The following ZNF839 variants were observed in gnomAD, a reference collection of about 807,000 sequenced individuals.
The protein encoded by ZNF839 is renal carcinoma antigen NY-REN-50.
Under a neutral mutation model 56.4 loss-of-function variants are expected in ZNF839, and 38 were observed. That is an observed-to-expected ratio of 0.67 (90% CI 0.52 to 0.88). ZNF839 has a LOEUF of 0.88. Among genes scored for constraint, ZNF839 ranks in the 40% least tolerant of loss-of-function variants. ZNF839 has a pLI of 0.00. For missense variants in ZNF839, 1,091 were observed against 1,177.6 expected (o/e 0.93, Z 1.08); for synonymous variants, 486 against 493.5 (o/e 0.98, Z 0.20).
At chr14:102,323,543 C>A (rs2073244403) in intron 1 of ZNF839, among the ~76,000 whole-genome samples, 1 of 152,136 alleles carries the variant, frequency 6.6e-6, no homozygotes, top group African/African-American at 2.4e-5. Flanking sequence ...GAAGGTAGTT[C>A]TCCCCTTTGG....
intron 1 of ZNF839, among the ~76,000 whole-genome samples, chr14:102,323,284 C>G (rs1029753396): frequency 1.3e-5 from 2 of 152,256 alleles, no homozygotes; most frequent in African/African-American, 4.8e-5. Context: ...TGGCCATCCT[C>G]CAGCCACCCA....
rs768408544 is a variant in ZNF839 at position 102,341,782 on chromosome 14, C to T, written c.2387C>T (p.Ala796Val). The T allele has an allele frequency of 6.2e-7, 1 of 1,614,038 alleles. No individual in the cohort carries two copies. Among genetic ancestry groups the T allele is most frequent in the South Asian group, 1.1e-5 (1 of 91,088 alleles). ...ACCAGCGTCCTGCCTACAGAGGTGG[C>T]AGCCCCTCCGCTTGAGAAAATTTTG... Reference protein sequence around the residue: ...SPTSVLPTEVAAPPLEKILSV... With the variant: ...SPTSVLPTEVVAPPLEKILSV... The change falls in exon 8 of 8, where the codon GCA (alanine) becomes GTA (valine). Residue 796 changes from alanine (A) to valine (V), a missense_variant. Ala to Val is a moderately conservative substitution (Grantham distance 64). Transcript: ENST00000442396.
At position 102,341,693 on chromosome 14, in the gene ZNF839, T is replaced by C. The variant is rs1358447773; in HGVS notation, c.2298T>C (p.His766=). Residue 766 remains histidine (H), a synonymous_variant, in exon 8 of 8, where the codon CAT becomes CAC. Coordinates refer to ENST00000442396, the MANE Select transcript of ZNF839 (RefSeq NM_018335.6). ...CCCTGCCGCCTGGGGGGCCTGGACA[T>C]GCAGAGGCAGGACACCTCGGCAAGG... ...AESLPPGGPG[H]AEAGHLGKVC... 1 of 1,613,976 alleles carries C rather than the reference T, an allele frequency of 6.2e-7. No individual in the cohort carries two copies. The highest frequency in any genetic ancestry group is 8.5e-7 in the Non-Finnish European group (1 of 1,179,878).
intron 2 of ZNF839, among the ~76,000 whole-genome samples, chr14:102,328,375 A>AAAAAAAAATATATATATAT (rs1197718891): frequency 6.1e-5 from 1 of 16,326 alleles, no homozygotes; most frequent in African/African-American, 1.7e-4. Flanking sequence ...AAAAAAAAAA[A>AAAAAAAAATATATATATAT]ATATATATAT....
In ZNF839 at chr14:102,339,205, T is replaced by C. The variant is rs764733738; in HGVS notation, c.1909T>C (p.Leu637=). ...NSRGREKPRP[L]HALAAGFSPP... is the part of the protein sequence containing the mutation. The stretch of plus-strand genomic sequence containing the variant: ...CAGAGGCCGGGAGAAGCCCAGGCCC[T>C]TGCATGCTTTGGCCGCTGGTGAGGG... The change falls in exon 7 of 8, where the codon TTG becomes CTG. Residue 637 remains leucine (L), a synonymous_variant. Coordinates refer to ENST00000442396, the MANE Select transcript of ZNF839 (RefSeq NM_018335.6). The C allele has an allele frequency of 6.2e-7, 1 of 1,611,546 alleles. No individual in the cohort carries two copies. The highest frequency in any genetic ancestry group is 8.5e-7 in the Non-Finnish European group (1 of 1,178,824).
intron 2 of ZNF839, among the ~76,000 whole-genome samples, chr14:102,327,329 CAG>C (rs2073470747): frequency 1.3e-5 from 2 of 151,788 alleles, no homozygotes; most frequent in Non-Finnish European, 2.9e-5. Flanking sequence ...TTGGTAGAGA[CAG>C]GGTTTCACCA....
chr14:102,334,508 A>T (rs770165320), intron 3 of ZNF839, 46 bp from the exon 4 acceptor site: 1 of 1,440,046 alleles, frequency 6.9e-7, no homozygotes, highest in South Asian at 1.2e-5. Flanking sequence ...GCTATTGGGA[A>T]ATTCTTACGG....
chr14:102,342,038 A>C lies in ZNF839; in HGVS notation c.2643A>C (p.Leu881Phe). ...AFEISNGSHE[L>F]LSQGQKQIFI... ...AAATTTCCAATGGGAGCCATGAGTT[A>C]CTGTCTCAGGGACAGAAGCAGATTT... Residue 881 changes from leucine (L) to phenylalanine (F), a missense_variant, in exon 8 of 8, where the codon TTA becomes TTC. Leu to Phe is a conservative substitution (Grantham distance 22). This residue lies in a region of ZNF839 where 431 missense variants were observed against 468.0 expected (regional missense o/e 0.92). Coordinates refer to ENST00000442396, the MANE Select transcript of ZNF839 (RefSeq NM_018335.6). 6.2e-7 allele frequency: 1 copy of C among 1,614,022 alleles called. No homozygotes were observed. The highest frequency in any genetic ancestry group is 8.5e-7 in the Non-Finnish European group (1 of 1,179,882).
At chr14:102,328,398 AT>A (rs1567288786) in intron 2 of ZNF839, among the ~76,000 whole-genome samples, 26 of 109,984 alleles carry the variant, frequency 2.4e-4, no homozygotes, top group South Asian at 2.3e-3. Context: ...ATATATATAT[AT>A]ATATATATAT....
At position 102,338,539 on chromosome 14, in the gene ZNF839, GAAAAAAAAAA is replaced by G. The variant is rs954011615; in HGVS notation, c.1660-260_1660-251del. 1.4e-3 allele frequency among the ~76,000 whole-genome samples: 44 copies of G among 32,096 alleles called. No homozygotes were observed. In the South Asian group the frequency reaches 0.035, roughly 25 times the overall value. The allele number at this position is 32,096 out of a possible 152,430, so 21.1% of individuals were successfully genotyped here. On this transcript the variant is annotated intron_variant, in intron 5 of 7. Transcript: ENST00000442396. ...AGCGACAGAGCCAGACTCTGTCTCAGAAAAAAAAAAAAAAAAAAAAAAAAAAGATTGGTCT... is the reference window on the plus strand; with the variant it reads ...AGCGACAGAGCCAGACTCTGTCTCAGAAAAAAAAAAAAAAAAGATTGGTCT...
intron 6 of ZNF839, 68 bp from the exon 7 acceptor site, chr14:102,339,026 A>C: frequency 6.2e-7 from 1 of 1,613,384 alleles, no homozygotes. Context: ...TTCTGTTCAC[A>C]CCAGGAAGAG....
Position 102,326,076 on chromosome 14 carries a change from C to G in ZNF839, c.380C>G (p.Thr127Ser), listed in dbSNP as rs765606211. 6 of 1,613,930 alleles carry G rather than the reference C, an allele frequency of 3.7e-6. No individual in the cohort carries two copies. The East Asian group carries it at 1.1e-4, about 30-fold the overall frequency. The stretch of plus-strand genomic sequence containing the variant: ...CTACCGACCACAATCCAGCCCCAAA[C>G]TGCAAGAAAGAGCCAGCTGCCCCGG... ...MLLPTTIQPQTARKSQLPRGN... is the reference protein window; with the variant it reads ...MLLPTTIQPQSARKSQLPRGN... The change falls in exon 2 of 8, where the codon ACT becomes AGT. Residue 127 changes from threonine (T) to serine (S), a missense_variant. Around this residue, in one of 3 missense-constraint regions of ZNF839, gnomAD observed 614 missense variants for 629.2 expected, o/e 0.98. Transcript: ENST00000442396. The surrounding 1 kb of genome is among the most constrained non-coding windows in gnomAD (Gnocchi z 4.3).
Position 102,319,841 on chromosome 14 carries a change from C to T in ZNF839, c.76C>T (p.Gln26Ter), listed in dbSNP as rs2073023018. The change falls in exon 1 of 8, where the codon CAG becomes TAG. Residue 26 changes from glutamine (Q) to a stop codon, truncating the protein, a stop_gained. Transcript: ENST00000442396. LOFTEE classifies it high-confidence loss of function. This position sits in a 1 kb window ranked among gnomAD's most constrained non-coding sequence, Gnocchi z 4.5. ...GGGGGPAPPG[Q>*]SGSVARVAPL... ...CGGCGGCGGCCCGGCTCCTCCGGGC[C>T]AGAGCGGCAGCGTCGCACGTGTGGC... The T allele has an allele frequency of 2.4e-6, 3 of 1,250,992 alleles. No individual in the cohort carries two copies. The allele number at this position is 1,250,992 out of a possible 1,614,324, so 77.5% of individuals were successfully genotyped here.
chr14:102,329,133 C>T (rs7154322), intron 2 of ZNF839, among the ~76,000 whole-genome samples: 15,179 of 151,896 alleles, frequency 0.1, 942 homozygotes, highest in African/African-American at 0.18. Flanking sequence ...CCACGCCCAG[C>T]TAAGTTTTTG....
intron 4 of ZNF839, 154 bp from the exon 5 acceptor site, chr14:102,335,535 A>C (rs1215660367): frequency 2.8e-6 from 2 of 710,644 alleles, no homozygotes; most frequent in Non-Finnish European, 4.5e-6. Flanking sequence ...CATGCGGGGC[A>C]CACAGTAGGT....
At chr14:102,328,376 A>ATATATATATG (rs2073564375) in intron 2 of ZNF839, among the ~76,000 whole-genome samples, 2 of 16,942 alleles carry the variant, frequency 1.2e-4, no homozygotes, top group Non-Finnish European at 2.3e-4. Context: ...AAAAAAAAAA[A>ATATATATATG]TATATATATA....
chr14:102,334,713 A>G, intron 4 of ZNF839, 67 bp downstream of exon 4: 5 of 845,288 alleles, frequency 5.9e-6, no homozygotes, highest in Non-Finnish European at 8.4e-6. Context: ...TAATATTATT[A>G]TTTATTAATT....
In ZNF839 at chr14:102,326,361, C is replaced by T. The variant is rs1242038072; in HGVS notation, c.665C>T (p.Ser222Phe). The T allele has an allele frequency of 1.6e-5, 25 of 1,610,080 alleles. No individual in the cohort carries two copies. Among genetic ancestry groups the T allele is most frequent in the South Asian group, 9.9e-5 (9 of 90,612 alleles). Reference sequence around the variant, plus strand: ...CCGCTGGCAGTAACATCTCTTTCATCCAGTTCAGCACATCCATTTATTTCC... The same window carrying T: ...CCGCTGGCAGTAACATCTCTTTCATTCAGTTCAGCACATCCATTTATTTCC... ...SDPLAVTSLS[S>F]SSAHPFISNL... Residue 222 changes from serine (S) to phenylalanine (F), a missense_variant, in exon 2 of 8, where the codon TCC (serine) becomes TTC (phenylalanine). Transcript: ENST00000442396. This position sits in a 1 kb window ranked among gnomAD's most constrained non-coding sequence, Gnocchi z 4.3.
intron 7 of ZNF839, among the ~76,000 whole-genome samples, chr14:102,339,511 G>A (rs1031831058): frequency 1.3e-5 from 2 of 152,136 alleles, no homozygotes; most frequent in Admixed American, 6.5e-5. Flanking sequence ...TTGGGAGGCC[G>A]AGGTGGGCGG....
Sources: allele counts gnomAD v4.1 joint callset (sites outside exome capture counted in the v4.1 genomes callset), GRCh38; gene constraint gnomAD v4.1.1; regional missense constraint gnomAD v4.1.1; non-coding constraint Gnocchi (gnomAD v3.1); transcripts MANE v1.5; gene names NCBI Gene and HGNC (gene_info 2026-07-23, HGNC 2026-07-21).